The following GNAL variants were observed in gnomAD, a reference collection of about 807,000 sequenced individuals.
GNAL encodes the protein G protein subunit alpha L.
A neutral mutation model predicts 55.1 loss-of-function variants in GNAL; 18 were observed. The ratio of observed to expected loss-of-function variants is 0.33; its 90% CI spans 0.23 to 0.48. The LOEUF is 0.48. GNAL is among the 20% of genes least tolerant of loss of function. GNAL has a pLI of 0.99. For missense variants in GNAL, 412 were observed against 614.1 expected, an observed-to-expected ratio of 0.67 and a Z score of 3.48; for synonymous variants, 253 against 237.0, an observed-to-expected ratio of 1.07 and a Z score of -0.62.
At chr18:11,784,796 A>G (rs879368597) in intron 4 of GNAL, among the ~76,000 whole-genome samples, 1 of 152,206 alleles carries the variant, frequency 6.6e-6, no homozygotes, top group Non-Finnish European at 1.5e-5. Context: ...CTGAGCGTGG[A>G]AGAAACTGAC....
intron 4 of GNAL, among the ~76,000 whole-genome samples, chr18:11,774,651 T>C (rs2033728973): frequency 6.6e-6 from 1 of 151,944 alleles, no homozygotes; most frequent in Non-Finnish European, 1.5e-5. Flanking sequence ...TTGCCCCGAG[T>C]CATAGAGCTG....
At chr18:11,741,671 C>G (rs1244803313) in intron 1 of GNAL, among the ~76,000 whole-genome samples, 1 of 152,184 alleles carries the variant, frequency 6.6e-6, no homozygotes, top group Admixed American at 6.5e-5. Context: ...ACATGCGTTG[C>G]TTTAAAAGCA....
At chr18:11,802,064 G>A (rs2034535179) in intron 4 of GNAL, among the ~76,000 whole-genome samples, 1 of 152,136 alleles carries the variant, frequency 6.6e-6, no homozygotes, top group African/African-American at 2.4e-5. Context: ...CTGTTTCCCT[G>A]AAAGTTTAGG....
At chr18:11,813,681 T>C (rs917355057) in intron 4 of GNAL, among the ~76,000 whole-genome samples, 2 of 152,140 alleles carry the variant, frequency 1.3e-5, no homozygotes, top group Admixed American at 6.5e-5. Flanking sequence ...TGGAACAGAA[T>C]TGAGAATTCA....
chr18:11,723,305 C>T (rs138186578), intron 1 of GNAL, among the ~76,000 whole-genome samples: 2,020 of 152,316 alleles, frequency 0.013, 39 homozygotes, highest in African/African-American at 0.045. Context: ...ATTTGAATTT[C>T]GTATAGTTCT....
At chr18:11,772,063 TCATA>T (rs1027490887) in intron 4 of GNAL, among the ~76,000 whole-genome samples, 15 of 152,206 alleles carry the variant, frequency 9.9e-5, no homozygotes, top group African/African-American at 3.4e-4. Context: ...GTCCCCCACA[TCATA>T]CAAATCATTT....
chr18:11,735,212 G>A (rs553725797), intron 1 of GNAL, among the ~76,000 whole-genome samples: 14 of 151,684 alleles, frequency 9.2e-5, no homozygotes, highest in South Asian at 2.1e-4. Flanking sequence ...CACCACACCC[G>A]TCTAATTTTT....
chr18:11,804,681 A>G lies in GNAL; in HGVS notation c.625-20237A>G, dbSNP rs138223762. 9.8e-3 allele frequency among the ~76,000 whole-genome samples: 668 copies of G among 68,054 alleles called. 63 individuals carry two copies. Among genetic ancestry groups the G allele is most frequent in the African/African-American group, 0.061 (528 of 8,652 alleles). The allele number at this position is 68,054 out of a possible 152,430, so 44.6% of individuals were successfully genotyped here. On this transcript the variant is annotated intron_variant, in intron 4 of 11. Transcript: ENST00000334049. ...GTGGTGAAGTACAGGTGCGGTTTGGATGGAACACGGAGATACTGTGTAGTG... is the reference window on the plus strand; with the variant it reads ...GTGGTGAAGTACAGGTGCGGTTTGGGTGGAACACGGAGATACTGTGTAGTG...
At chr18:11,814,379 T>C (rs1026927391) in intron 4 of GNAL, among the ~76,000 whole-genome samples, 1 of 151,958 alleles carries the variant, frequency 6.6e-6, no homozygotes, top group Admixed American at 6.6e-5. Flanking sequence ...ACAAAAAATA[T>C]TAGCCAGGCA....
intron 4 of GNAL, among the ~76,000 whole-genome samples, chr18:11,760,866 C>A (rs2033218143): frequency 6.6e-6 from 1 of 152,224 alleles, no homozygotes; most frequent in Admixed American, 6.5e-5. Context: ...TGACCTTGAG[C>A]ACATGACCTC....
intron 4 of GNAL, among the ~76,000 whole-genome samples, chr18:11,778,474 A>G (rs956267060): frequency 3.9e-5 from 6 of 152,190 alleles, no homozygotes; most frequent in Admixed American, 3.9e-4. Flanking sequence ...TAAAGGCCGC[A>G]TGATGTTACA....
At chr18:11,849,838 CG>C (rs762815099) in intron 5 of GNAL, among the ~76,000 whole-genome samples, 1 of 152,224 alleles carries the variant, frequency 6.6e-6, no homozygotes, top group Non-Finnish European at 1.5e-5. Context: ...AATTCAGCAA[CG>C]CCATCTGGAT....
chr18:11,722,483 G>A (rs1196463113), intron 1 of GNAL, among the ~76,000 whole-genome samples: 1 of 152,176 alleles, frequency 6.6e-6, no homozygotes, highest in Admixed American at 6.5e-5. Context: ...TAATTTGTTA[G>A]CAAATAAAGC....
chr18:11,773,627 T>TA (rs1288396948), intron 4 of GNAL, among the ~76,000 whole-genome samples: 4 of 151,552 alleles, frequency 2.6e-5, no homozygotes, highest in East Asian at 3.9e-4. Context: ...TGTATAAAAA[T>TA]AAAAAAAATA....
At chr18:11,841,191 C>G (rs1218342394) in intron 5 of GNAL, among the ~76,000 whole-genome samples, 2 of 152,022 alleles carry the variant, frequency 1.3e-5, no homozygotes, top group South Asian at 2.1e-4. Flanking sequence ...GCTTTCAATT[C>G]TCTTTTAACC....
intron 1 of GNAL, among the ~76,000 whole-genome samples, chr18:11,690,891 G>C (rs991969907): frequency 1.3e-4 from 20 of 151,226 alleles, no homozygotes; most frequent in Admixed American, 5.3e-4. Flanking sequence ...CCAAGTCTTT[G>C]CTAATGTGAA....
At chr18:11,775,469 G>A (rs8099026) in intron 4 of GNAL, among the ~76,000 whole-genome samples, 18,333 of 152,270 alleles carry the variant, frequency 0.12, 1,590 homozygotes, top group African/African-American at 0.24. Flanking sequence ...TGACGGGGTA[G>A]ATACGTGGCC....
chr18:11,832,656 G>A (rs2035411097), intron 5 of GNAL, among the ~76,000 whole-genome samples: 1 of 152,152 alleles, frequency 6.6e-6, no homozygotes, highest in South Asian at 2.1e-4. Context: ...TCAGGAGTTT[G>A]AGACCAGCCT....
At chr18:11,856,692 G>A (rs191222026) in intron 5 of GNAL, among the ~76,000 whole-genome samples, 2,238 of 152,192 alleles carry the variant, frequency 0.015, 30 homozygotes, top group African/African-American at 0.015. Context: ...TTGGGAGGCC[G>A]AGGTGGGCAG....
Sources: gnomAD v4.1 joint callset for allele counts (sites outside exome capture counted in the v4.1 genomes callset) on GRCh38, gnomAD v4.1.1 for gene constraint, MANE v1.5 for transcripts, NCBI Gene and HGNC (gene_info 2026-07-23, HGNC 2026-07-21) for gene names.